CNST: variants seen among roughly 807,000 people sequenced by gnomAD.
CNST encodes the protein consortin.
A neutral mutation model predicts 72.4 loss-of-function variants in CNST; 39 were observed. The observed-to-expected ratio is 0.54, with a 90% CI of 0.42 to 0.70. CNST has a LOEUF of 0.70. Among genes scored for constraint, CNST ranks in the 30% least tolerant of loss-of-function variants. The pLI is 0.00. For synonymous variants in CNST, 332 were observed against 320.1 expected (o/e 1.04, Z -0.40); for missense variants, 871 against 868.5 (o/e 1.00, Z -0.04).
At position 246,566,644 on chromosome 1, in the gene CNST, C is replaced by T. The variant is rs1659700522; in HGVS notation, c.-71C>T. On this transcript the variant is annotated 5_prime_UTR_variant, in exon 1 of 11. Transcript: ENST00000366513. The stretch of plus-strand genomic sequence containing the variant: ...GACCCGGCGCCCAGCGGTAGCCCTC[C>T]TTGCGCCTCCGATTCCCAGGTGAGG... 3 of 401,342 alleles carry T rather than the reference C, an allele frequency of 7.5e-6. No individual in the cohort carries two copies. The highest frequency in any genetic ancestry group is 1.2e-4 in the South Asian group (1 of 8,278). 24.9% of individuals were successfully genotyped at this position (401,342 alleles called of 1,614,324 possible). A position where few individuals can be genotyped will look rare whatever the true frequency, so the allele number is the denominator to read the frequency against.
chr1:246,577,340 C>T (rs1365538805), intron 1 of CNST, among the ~76,000 whole-genome samples: 1 of 151,990 alleles, frequency 6.6e-6, no homozygotes, highest in Non-Finnish European at 1.5e-5. Flanking sequence ...CCTACTGGTA[C>T]CTCCTTATTC....
intron 3 of CNST, among the ~76,000 whole-genome samples, chr1:246,627,478 G>A (rs1426553334): frequency 6.6e-6 from 1 of 152,172 alleles, no homozygotes; most frequent in Admixed American, 6.5e-5. Flanking sequence ...CAAAACAAGG[G>A]AGTAAACCAA....
chr1:246,618,552 C>T (rs1663844349), intron 2 of CNST, among the ~76,000 whole-genome samples: 1 of 151,538 alleles, frequency 6.6e-6, no homozygotes, highest in Non-Finnish European at 1.5e-5. Flanking sequence ...TATTTTCCTT[C>T]CCCTCCCTAC....
chr1:246,634,275 A>G, intron 5 of CNST, 198 bp from the exon 6 acceptor site: 1 of 562,780 alleles, frequency 1.8e-6, no homozygotes, highest in Non-Finnish European at 3.1e-6. Context: ...TTCATGCCCT[A>G]CTGGCTAATT....
chr1:246,614,765 C>T (rs1055388551), intron 2 of CNST, among the ~76,000 whole-genome samples: 9 of 152,214 alleles, frequency 5.9e-5, no homozygotes, highest in Admixed American at 4.6e-4. Flanking sequence ...CCACCATGCC[C>T]GGCTGACTGC....
At chr1:246,569,310 A>G (rs1659917981) in intron 1 of CNST, among the ~76,000 whole-genome samples, 1 of 152,212 alleles carries the variant, frequency 6.6e-6, no homozygotes, top group African/African-American at 2.4e-5. Context: ...TACTAAATCT[A>G]TAAAATCTGG....
chr1:246,654,565 CA>C (rs1219987207), intron 9 of CNST, among the ~76,000 whole-genome samples: 1 of 152,254 alleles, frequency 6.6e-6, no homozygotes, highest in Non-Finnish European at 1.5e-5. Flanking sequence ...AAGACGCACA[CA>C]TACTGTCTTC....
At position 246,665,917 on chromosome 1, in the gene CNST, A is replaced by T; in HGVS notation, c.*12A>T. On this transcript the variant is annotated 3_prime_UTR_variant, in exon 11 of 11. Coordinates refer to ENST00000366513, the MANE Select transcript of CNST (RefSeq NM_152609.3). ...TCTACCTCTCCTAGCAGCATTCCAG[A>T]CACAGACATGCTGGCAGTGAGAGTG... The T allele has an allele frequency of 6.3e-7, 1 of 1,576,502 alleles. No individual in the cohort carries two copies. Among genetic ancestry groups the T allele is most frequent in the Non-Finnish European group, 8.7e-7 (1 of 1,147,504 alleles).
At chr1:246,664,067 A>G (rs1667256708) in intron 10 of CNST, among the ~76,000 whole-genome samples, 1 of 152,244 alleles carries the variant, frequency 6.6e-6, no homozygotes, top group Non-Finnish European at 1.5e-5. Context: ...AATTATGAAA[A>G]AAATCAGTTT....
rs1491252940 is a variant in CNST, at chr1:246,642,132, G to GTTTTTTTTTTTT, written c.937+95_937+96insTTTTTTTTTTTT. 2.8e-3 allele frequency: 553 copies of GTTTTTTTTTTTT among 198,236 alleles called. 96 individuals carry two copies. In the African/African-American group the frequency reaches 0.028, roughly 10 times the overall value. The allele number at this position is 198,236 out of a possible 1,614,324, so 12.3% of individuals were successfully genotyped here. On this transcript the variant is annotated intron_variant, in intron 8 of 10. Coordinates refer to ENST00000366513, the MANE Select transcript of CNST (RefSeq NM_152609.3). ...ACATCTGAATTGCTGCAAAGGATCT[G>GTTTTTTTTTTTT]GTTTTTTTTTTTTTTTTTTTTTGCA...
chr1:246,645,708 T>G (rs975652883), intron 8 of CNST, among the ~76,000 whole-genome samples: 1 of 151,762 alleles, frequency 6.6e-6, no homozygotes. Context: ...ATGACAGGCT[T>G]GAGCCACCGC....
chr1:246,574,724 A>G (rs1660286034), intron 1 of CNST, among the ~76,000 whole-genome samples: 1 of 152,094 alleles, frequency 6.6e-6, no homozygotes. Flanking sequence ...GGAATTCTCA[A>G]CTTTCATCAG....
chr1:246,634,956 C>CTTCCGGCCGGGGTAG (rs1665067104), intron 6 of CNST, among the ~76,000 whole-genome samples: 2 of 115,980 alleles, frequency 1.7e-5, no homozygotes, highest in South Asian at 7.6e-4. Flanking sequence ...CTCGGTGGTG[C>CTTCCGGCCGGGGTAG]GTGTCTTCCG....
At chr1:246,634,894 T>TC (rs1665055684) in intron 6 of CNST, among the ~76,000 whole-genome samples, 1 of 151,602 alleles carries the variant, frequency 6.6e-6, no homozygotes, top group Non-Finnish European at 1.5e-5. Context: ...ACAGGAAGTG[T>TC]CCCTGTCTGA....
chr1:246,642,721 T>C (rs1270795659), intron 8 of CNST, among the ~76,000 whole-genome samples: 1 of 146,514 alleles, frequency 6.8e-6, no homozygotes, highest in Non-Finnish European at 1.5e-5. Context: ...ACTATTAATA[T>C]ATATTTCTAG....
At chr1:246,661,573 G>A (rs1034884663) in intron 10 of CNST, among the ~76,000 whole-genome samples, 9 of 152,200 alleles carry the variant, frequency 5.9e-5, no homozygotes, top group Non-Finnish European at 1.2e-4. Flanking sequence ...TTCGTCCTGG[G>A]CCTGTCAAAC....
rs777928408 is a variant in CNST at position 246,586,111 on chromosome 1, A to ATATATGTG, written c.-51-5400_-51-5399insATATGTGT. ...GAGGGGGAGATATATATATATATAT[A>ATATATGTG]TGTGTGTGTGTGTGTGTGTGTGTGT... On this transcript the variant is annotated intron_variant, in intron 1 of 10. Coordinates refer to ENST00000366513, the MANE Select transcript of CNST (RefSeq NM_152609.3). Among the ~76,000 whole-genome samples the ATATATGTG allele has an allele frequency of 6.4e-3, 654 of 102,654 alleles. 3 individuals are homozygous for ATATATGTG. The highest frequency in any genetic ancestry group is 7.5e-3 in the Non-Finnish European group (407 of 54,318). 67.3% of individuals were successfully genotyped at this position (102,654 alleles called of 152,430 possible). A position where few individuals can be genotyped will look rare whatever the true frequency, so the allele number is the denominator to read the frequency against.
intron 2 of CNST, among the ~76,000 whole-genome samples, chr1:246,597,626 C>T (rs928716037): frequency 7.9e-5 from 12 of 152,184 alleles, no homozygotes; most frequent in African/African-American, 2.9e-4. Context: ...CTATCAGTGC[C>T]CTGACTTGTT....
chr1:246,606,036 T>G (rs1662769683), intron 2 of CNST: 1 of 152,176 alleles, frequency 6.6e-6, no homozygotes, highest in African/African-American at 2.4e-5. Flanking sequence ...AGGGGCGACT[T>G]TCTCCATAAC....
Sources: allele counts gnomAD v4.1 joint callset (sites outside exome capture counted in the v4.1 genomes callset), GRCh38; gene constraint gnomAD v4.1.1; transcripts MANE v1.5; gene names NCBI Gene and HGNC (gene_info 2026-07-23, HGNC 2026-07-21).